The following NR6A1 variants were observed in gnomAD, a reference collection of about 807,000 sequenced individuals.
The protein encoded by NR6A1 is retinoic acid receptor-related testis-associated receptor.
In NR6A1, 7 loss-of-function variants were observed where a neutral mutation model predicts 59.1. The ratio of observed to expected loss-of-function variants is 0.12; its 90% confidence interval spans 0.07 to 0.22. The LOEUF is 0.22. NR6A1 is among the 10% of genes least tolerant of loss of function. The pLI is 1.00. For missense variants in NR6A1, 468 were observed against 611.6 expected, an observed-to-expected ratio of 0.77 and a Z score of 2.48; for synonymous variants, 243 against 236.1, an observed-to-expected ratio of 1.03 and a Z score of -0.27.
intron 2 of NR6A1, among the ~76,000 whole-genome samples, chr9:124,648,707 T>TAA (rs769651566): frequency 5.2e-5 from 7 of 134,398 alleles, no homozygotes; most frequent in South Asian, 2.3e-4. Flanking sequence ...AAGATACTGC[T>TAA]AAAAAAAAAA....
At chr9:124,527,283 G>C (rs974668621) in intron 7 of NR6A1, among the ~76,000 whole-genome samples, 2 of 152,192 alleles carry the variant, frequency 1.3e-5, no homozygotes, top group Non-Finnish European at 2.9e-5. Flanking sequence ...ACATTATTAA[G>C]ATACAGCTAT....
At chr9:124,582,712 C>A (rs1834810581) in intron 2 of NR6A1, among the ~76,000 whole-genome samples, 1 of 152,082 alleles carries the variant, frequency 6.6e-6, no homozygotes, top group South Asian at 2.1e-4. Context: ...TACAGTGAGA[C>A]CTCATCTCTA....
At chr9:124,614,126 A>C (rs766345953) in intron 2 of NR6A1, among the ~76,000 whole-genome samples, 69 of 152,212 alleles carry the variant, frequency 4.5e-4, no homozygotes, top group Non-Finnish European at 8.4e-4. Context: ...GTTGAGGATT[A>C]GAAGCTGGGA....
At chr9:124,613,952 T>C (rs900484927) in intron 2 of NR6A1, among the ~76,000 whole-genome samples, 1 of 152,214 alleles carries the variant, frequency 6.6e-6, no homozygotes, top group East Asian at 1.9e-4. Context: ...ACAAACCATA[T>C]AAAACAATGA....
intron 2 of NR6A1, among the ~76,000 whole-genome samples, chr9:124,612,922 CT>C (rs1230170058): frequency 1.3e-5 from 2 of 152,096 alleles, no homozygotes; most frequent in African/African-American, 4.8e-5. Context: ...CAAGCCCATG[CT>C]TTAAAATGCC....
At chr9:124,569,036 C>T (rs1834361739) in intron 2 of NR6A1, among the ~76,000 whole-genome samples, 1 of 151,878 alleles carries the variant, frequency 6.6e-6, no homozygotes, top group African/African-American at 2.4e-5. Context: ...TGGCATGAAC[C>T]CGGGAGGCGG....
intron 2 of NR6A1, chr9:124,693,604 G>A (rs1838640010): frequency 2.3e-6 from 1 of 436,158 alleles, no homozygotes; most frequent in South Asian, 1.7e-5. Flanking sequence ...CAGATGGCTG[G>A]TTACTAAGGG....
chr9:124,744,101 G>A (rs926405899), intron 1 of NR6A1, among the ~76,000 whole-genome samples: 3 of 152,086 alleles, frequency 2.0e-5, no homozygotes, highest in Non-Finnish European at 4.4e-5. Flanking sequence ...TTAGCTGGGC[G>A]TGGTGGCATG....
chr9:124,609,360 T>C (rs1835674556), intron 2 of NR6A1, among the ~76,000 whole-genome samples: 1 of 152,226 alleles, frequency 6.6e-6, no homozygotes, highest in Admixed American at 6.5e-5. Flanking sequence ...ATTTATTAAA[T>C]AGGGAAACCT....
intron 2 of NR6A1, among the ~76,000 whole-genome samples, chr9:124,656,747 G>A (rs535057598): frequency 2.0e-5 from 3 of 152,270 alleles, no homozygotes; most frequent in East Asian, 1.9e-4. Flanking sequence ...AAGGAGAATT[G>A]CTTGAACCCA....
intron 2 of NR6A1, among the ~76,000 whole-genome samples, chr9:124,719,685 G>A (rs550406396): frequency 1.3e-5 from 2 of 152,228 alleles, no homozygotes; most frequent in South Asian, 2.1e-4. Context: ...CTGGGAAGCC[G>A]AGGTGCGCGG....
At chr9:124,593,767 G>C (rs1231570701) in intron 2 of NR6A1, among the ~76,000 whole-genome samples, 1 of 152,132 alleles carries the variant, frequency 6.6e-6, no homozygotes, top group Non-Finnish European at 1.5e-5. Context: ...CATCTATCTT[G>C]AAGTGTGCAC....
At chr9:124,539,925 A>G in intron 5 of NR6A1, 108 bp downstream of exon 5, 4 of 1,307,796 alleles carry the variant, frequency 3.1e-6, no homozygotes, top group Non-Finnish European at 4.2e-6. Flanking sequence ...GAGCAACAGT[A>G]CAATGGCTGA....
At chr9:124,668,102 G>A (rs1299696953) in intron 2 of NR6A1, among the ~76,000 whole-genome samples, 1 of 152,102 alleles carries the variant, frequency 6.6e-6, no homozygotes, top group African/African-American at 2.4e-5. Context: ...AAGCCTTACT[G>A]ATAAGTTGGT....
intron 3 of NR6A1, among the ~76,000 whole-genome samples, chr9:124,547,621 C>T (rs1418710596): frequency 2.0e-5 from 3 of 152,184 alleles, no homozygotes; most frequent in African/African-American, 4.8e-5. Context: ...TATACACTTA[C>T]ATCATGTGCT....
intron 2 of NR6A1, among the ~76,000 whole-genome samples, chr9:124,666,165 G>A: frequency 6.6e-6 from 1 of 151,702 alleles, no homozygotes; most frequent in East Asian, 1.9e-4. Flanking sequence ...AAAGAGGTCT[G>A]GCAAATGTAT....
chr9:124,717,911 T>A (rs1039665788), intron 2 of NR6A1, among the ~76,000 whole-genome samples: 1 of 152,224 alleles, frequency 6.6e-6, no homozygotes, highest in South Asian at 2.1e-4. Flanking sequence ...TTTAAAGTCA[T>A]TAACATACAG....
At chr9:124,746,152 T>C (rs940894174) in intron 1 of NR6A1, among the ~76,000 whole-genome samples, 3 of 152,200 alleles carry the variant, frequency 2.0e-5, no homozygotes, top group African/African-American at 7.2e-5. Context: ...CTTTCTTACA[T>C]ACTAGTCATG....
chr9:124,527,275 A>G (rs1360299648), intron 7 of NR6A1, among the ~76,000 whole-genome samples: 1 of 152,202 alleles, frequency 6.6e-6, no homozygotes, highest in East Asian at 1.9e-4. Flanking sequence ...GAAGTACAAC[A>G]TTATTAAGAT....
Sources: allele counts gnomAD v4.1 joint callset (sites outside exome capture counted in the v4.1 genomes callset), GRCh38; gene constraint gnomAD v4.1.1; transcripts MANE v1.5; gene names NCBI Gene and HGNC (gene_info 2026-07-23, HGNC 2026-07-21).